Variants in PGBD2 observed in about 807,000 individuals in gnomAD.
The protein encoded by PGBD2 is piggyBac transposable element derived 2.
Under a neutral mutation model 8.1 loss-of-function variants are expected in PGBD2, and 6 were observed. That is an observed-to-expected ratio of 0.74 (90% CI 0.40 to 1.46). The LOEUF (loss-of-function observed/expected upper bound fraction) is 1.46, where lower values mean the gene tolerates loss of function less well. PGBD2 is among the 40% of genes most tolerant of loss of function. The pLI is 0.02. For synonymous variants in PGBD2, 318 were observed against 272.2 expected (o/e 1.17, Z -1.66); for missense variants, 802 against 739.0 (o/e 1.09, Z -0.99).
chr1:248,898,952 T>C, the PGBD2 span, among the ~76,000 whole-genome samples: 2 of 152,138 alleles, frequency 1.3e-5, no homozygotes, highest in Non-Finnish European at 2.9e-5. Flanking sequence ...GCAGGGTTTT[T>C]TTGTAGTTTC....
At chr1:248,875,830 T>C in the PGBD2 span, among the ~76,000 whole-genome samples, 1 of 152,196 alleles carries the variant, frequency 6.6e-6, no homozygotes, top group Non-Finnish European at 1.5e-5. Context: ...CTTCTTGTAC[T>C]GCTGAAATGA....
At chr1:248,907,593 T>C (rs867833827) in intron 1 of PGBD2, among the ~76,000 whole-genome samples, 6 of 152,314 alleles carry the variant, frequency 3.9e-5, no homozygotes, top group Middle Eastern at 3.4e-3. Context: ...GAGGTCCCTG[T>C]GGCTTTTCAT....
chr1:248,887,398 T>G, the PGBD2 span, among the ~76,000 whole-genome samples: 2 of 152,220 alleles, frequency 1.3e-5, no homozygotes, highest in African/African-American at 4.8e-5. Flanking sequence ...GTTGTCTTGT[T>G]GAATGGCCCT....
chr1:248,892,550 G>T, the PGBD2 span, among the ~76,000 whole-genome samples: 248 of 152,172 alleles, frequency 1.6e-3, 2 homozygotes, highest in African/African-American at 5.3e-3. Context: ...GAGTTAAGCT[G>T]TAATCTAAGA....
chr1:248,883,266 G>A, the PGBD2 span, among the ~76,000 whole-genome samples: 4 of 151,978 alleles, frequency 2.6e-5, no homozygotes, highest in African/African-American at 2.4e-5. Context: ...TGGGATTACA[G>A]GCATGTGCCA....
downstream of PGBD2, among the ~76,000 whole-genome samples, chr1:248,922,425 C>T (rs1257415541): frequency 2.0e-5 from 3 of 152,192 alleles, no homozygotes; most frequent in Non-Finnish European, 2.9e-5. Context: ...GACTTCCTCT[C>T]TTCCTATTTG....
At chr1:248,882,222 T>C in the PGBD2 span, among the ~76,000 whole-genome samples, 1,742 of 152,204 alleles carry the variant, frequency 0.011, 36 homozygotes, top group African/African-American at 0.039. Context: ...ATACCAGCAT[T>C]TATTATTAAG....
intron 1 of PGBD2, chr1:248,912,791 A>C (rs564877402): frequency 6.8e-6 from 1 of 147,480 alleles, no homozygotes; most frequent in South Asian, 2.1e-4. Context: ...TGCCGAAGTG[A>C]GCGCTCAGAT....
the PGBD2 span, among the ~76,000 whole-genome samples, chr1:248,896,031 GC>G: frequency 6.6e-6 from 1 of 151,606 alleles, no homozygotes; most frequent in African/African-American, 2.4e-5. Flanking sequence ...CCCTTCCCCC[GC>G]CCCGAGTCCC....
At chr1:248,928,096 A>T in the PGBD2 span, among the ~76,000 whole-genome samples, 27 of 151,874 alleles carry the variant, frequency 1.8e-4, no homozygotes, top group Non-Finnish European at 3.4e-4. Context: ...TGCTTTTTTT[A>T]AAAAAATTCC....
At chr1:248,921,805 T>C (rs1195004260), downstream of PGBD2, among the ~76,000 whole-genome samples, 1 of 152,226 alleles carries the variant, frequency 6.6e-6, no homozygotes, top group Non-Finnish European at 1.5e-5. Context: ...TCCTCTCTTA[T>C]TTCTTTGAGC....
At chr1:248,901,597 G>A (rs903425079), upstream of PGBD2, among the ~76,000 whole-genome samples, 6 of 152,076 alleles carry the variant, frequency 3.9e-5, no homozygotes, top group African/African-American at 1.4e-4. Flanking sequence ...AACTCAAGAT[G>A]GATTAAAGGC....
At chr1:248,901,871 A>C (rs988452908), upstream of PGBD2, among the ~76,000 whole-genome samples, 5 of 152,244 alleles carry the variant, frequency 3.3e-5, no homozygotes, top group African/African-American at 9.6e-5. Flanking sequence ...CATTTGACAA[A>C]GGTCTGATAT....
upstream of PGBD2, among the ~76,000 whole-genome samples, chr1:248,903,269 G>C (rs1035262386): frequency 6.6e-6 from 1 of 152,106 alleles, no homozygotes; most frequent in African/African-American, 2.4e-5. Flanking sequence ...CATGATCATA[G>C]CTCATTGAGG....
the PGBD2 span, among the ~76,000 whole-genome samples, chr1:248,927,009 G>A: frequency 6.6e-6 from 1 of 152,194 alleles, no homozygotes; most frequent in African/African-American, 2.4e-5. Context: ...GGAGTCTGAA[G>A]TTGTCATGCA....
In PGBD2 at chr1:248,917,348, A is replaced by G. The variant is rs769344263; in HGVS notation, c.764A>G (p.Asn255Ser). 1.2e-6 allele frequency: 2 copies of G among 1,614,158 alleles called. No individual in the cohort carries two copies. The highest frequency in any genetic ancestry group is 1.7e-6 in the Non-Finnish European group (2 of 1,180,032). ...VRPLIIRMNC[N>S]FQKHAPLEEF... Reference sequence around the variant, plus strand: ...CCTCTCATCATCCGGATGAACTGCAATTTCCAGAAGCATGCACCCTTGGAA... The same window carrying G: ...CCTCTCATCATCCGGATGAACTGCAGTTTCCAGAAGCATGCACCCTTGGAA... The change falls in exon 3 of 3, where the codon AAT becomes AGT. Residue 255 changes from asparagine (N) to serine (S), a missense_variant. Physicochemically the swap from Asn to Ser is conservative, Grantham distance 46. Transcript: ENST00000329291.
At chr1:248,914,460 C>T (rs1201637902) in intron 2 of PGBD2, 1 of 1,285,522 alleles carries the variant, frequency 7.8e-7, no homozygotes, top group Non-Finnish European at 1.0e-6. Context: ...GTGAATACCT[C>T]ACCTCCCTGG....
chr1:248,892,249 C>CCCTA, the PGBD2 span, among the ~76,000 whole-genome samples: 1 of 101,566 alleles, frequency 9.8e-6, no homozygotes, highest in African/African-American at 5.7e-5. Context: ...TTCCTTCCCT[C>CCCTA]CCTCCCTCCC....
the PGBD2 span, among the ~76,000 whole-genome samples, chr1:248,926,499 G>T: frequency 6.6e-6 from 1 of 152,148 alleles, no homozygotes; most frequent in African/African-American, 2.4e-5. Flanking sequence ...GTCCTTCACT[G>T]CATGATACTG....
Sources: gnomAD v4.1 joint callset for allele counts (sites outside exome capture counted in the v4.1 genomes callset) on GRCh38, gnomAD v4.1.1 for gene constraint, MANE v1.5 for transcripts, NCBI Gene and HGNC (gene_info 2026-07-23, HGNC 2026-07-21) for gene names.